The following PLG variants were observed in gnomAD, a reference collection of about 807,000 sequenced individuals.
PLG encodes plasminogen, also known as plasmin.
A neutral mutation model predicts 104.4 loss-of-function variants in PLG; 41 were observed. The observed-to-expected ratio is 0.39, with a 90% CI of 0.31 to 0.51. The LOEUF (loss-of-function observed/expected upper bound fraction) is 0.51. Ranked by LOEUF, PLG falls within the 20% of genes least tolerant of loss-of-function variation. The probability of loss-of-function intolerance (pLI) is 0.76; values close to 1 mark genes in which losing one functional copy is unlikely to be tolerated. For missense variants in PLG, 891 were observed against 1,003.6 expected (o/e 0.89, Z 1.52); for synonymous variants, 337 against 357.1 (o/e 0.94, Z 0.63).
chr6:160,731,363 A>C lies in PLG; in HGVS notation c.1438+131A>C. 1.2e-6 allele frequency: 1 copy of C among 848,996 alleles called. No individual in the cohort carries two copies. Among genetic ancestry groups the C allele is most frequent in the Admixed American group, 2.0e-5 (1 of 50,320 alleles). The allele number at this position is 848,996 out of a possible 1,614,324, so 52.6% of individuals were successfully genotyped here. A position where few individuals can be genotyped will look rare whatever the true frequency, so the allele number is the denominator to read the frequency against. On this transcript the variant is annotated intron_variant, in intron 11 of 18. Coordinates refer to ENST00000308192, the MANE Select transcript of PLG (RefSeq NM_000301.5). This position sits in a 1 kb window ranked among gnomAD's most constrained non-coding sequence, Gnocchi z 5.1. ...GTTTTTAGAGGGTCTGCCATGTGGAAGGAAGCCTCAGTGCACTCTCTCAAG... is the reference window on the plus strand; with the variant it reads ...GTTTTTAGAGGGTCTGCCATGTGGACGGAAGCCTCAGTGCACTCTCTCAAG...
intron 1 of PLG, among the ~76,000 whole-genome samples, chr6:160,703,842 C>T (rs115536572): frequency 6.6e-6 from 1 of 152,184 alleles, no homozygotes; most frequent in Non-Finnish European, 1.5e-5. Flanking sequence ...ATGTTTTAAC[C>T]CACCTGGTGG....
intron 17 of PLG, among the ~76,000 whole-genome samples, chr6:160,743,359 T>C (rs558091101): frequency 3.3e-5 from 5 of 152,330 alleles, no homozygotes; most frequent in African/African-American, 7.2e-5. Context: ...GTAATTCTTA[T>C]TGTAGAGATC....
intron 3 of PLG, 90 bp from the exon 4 acceptor site, chr6:160,710,987 T>A (rs1777628737): frequency 9.3e-7 from 1 of 1,074,844 alleles, no homozygotes; most frequent in East Asian, 2.5e-5. Context: ...GTCTGGTGCA[T>A]GAGATCTTTT....
rs1158949676 is a variant in PLG, at chr6:160,738,253, TGTAG to T, written c.1803-284_1803-281del. ...TGGGCTGTGGGGTGAAAGCCGTGGC[TGTAG>T]AGCTTCATGCGGAGTTACTTAGCTT... On this transcript the variant is annotated intron_variant, in intron 14 of 18. Coordinates refer to ENST00000308192, the MANE Select transcript of PLG (RefSeq NM_000301.5). This position sits in a 1 kb window ranked among gnomAD's most constrained non-coding sequence, Gnocchi z 6.8. 6.6e-6 allele frequency among the ~76,000 whole-genome samples: 1 copy of T among 152,194 alleles called. No homozygotes were observed. The highest frequency in any genetic ancestry group is 1.5e-5 in the Non-Finnish European group (1 of 68,030).
rs1412422490 is a variant in PLG at position 160,739,492 on chromosome 6, AT to A, written c.2018+286del. On this transcript the variant is annotated intron_variant, in intron 16 of 18. Transcript: ENST00000308192. The surrounding 1 kb of genome is among the most constrained non-coding windows in gnomAD (Gnocchi z 4.4). ...ACTTAATGTTCACCAGTTCATACAC[AT>A]TCATGATCAGAGAACGATTCAGTTA... Among the ~76,000 whole-genome samples the A allele has an allele frequency of 2.6e-5, 4 of 152,200 alleles. No homozygotes were observed. The highest frequency in any genetic ancestry group is 5.9e-5 in the Non-Finnish European group (4 of 68,024).
In PLG at chr6:160,744,851, T is replaced by C. The variant is rs2115184127; in HGVS notation, c.2125+3434T>C. On this transcript the variant is annotated intron_variant, in intron 17 of 18. Coordinates refer to ENST00000308192, the MANE Select transcript of PLG (RefSeq NM_000301.5). This position sits in a 1 kb window ranked among gnomAD's most constrained non-coding sequence, Gnocchi z 4.5. ...CTCTGTCCAAGAGATTCTGGTATGT[T>C]GTATCTTTATTCTCATTAGTTCAAA... Among the ~76,000 whole-genome samples, 1 of 152,374 alleles carries C rather than the reference T, an allele frequency of 6.6e-6. No homozygotes were observed. Among genetic ancestry groups the C allele is most frequent in the East Asian group, 1.9e-4 (1 of 5,186 alleles).
At chr6:160,728,298 C>G (rs75526185) in intron 10 of PLG, among the ~76,000 whole-genome samples, 1 of 4,384 alleles carries the variant, frequency 2.3e-4, no homozygotes, top group Admixed American at 3.8e-3. Flanking sequence ...AGGAAGGAAT[C>G]AAAAGATCTA....
intron 3 of PLG, among the ~76,000 whole-genome samples, chr6:160,709,629 C>T (rs1777599447): frequency 6.6e-6 from 1 of 152,216 alleles, no homozygotes; most frequent in Non-Finnish European, 1.5e-5. Flanking sequence ...TCCTTCTTAT[C>T]TCCTAGGTGT....
chr6:160,750,754 G>A (rs79718412), intron 17 of PLG, among the ~76,000 whole-genome samples: 3,025 of 152,176 alleles, frequency 0.02, 119 homozygotes, highest in African/African-American at 0.069. Context: ...AGAGTGCCTC[G>A]GTTCTTACCT....
At chr6:160,748,358 A>AAGAAAGAAAGAAAGAGAGAGAGAGAG (rs1562383260) in intron 17 of PLG, among the ~76,000 whole-genome samples, 15 of 35,202 alleles carry the variant, frequency 4.3e-4, no homozygotes, top group Non-Finnish European at 5.0e-4. Flanking sequence ...AAGAGAAAGA[A>AAGAAAGAAAGAAAGAGAGAGAGAGAG]AGAAAGAAAG....
intron 17 of PLG, among the ~76,000 whole-genome samples, chr6:160,745,017 T>C (rs1778255117): frequency 6.6e-6 from 1 of 152,060 alleles, no homozygotes; most frequent in African/African-American, 2.4e-5. Context: ...GGTCTGAGAG[T>C]GTGTTTGGTA....
chr6:160,730,301 G>T (rs1277165266), intron 10 of PLG, among the ~76,000 whole-genome samples: 2 of 152,308 alleles, frequency 1.3e-5, no homozygotes, highest in African/African-American at 4.8e-5. Context: ...CATTCCCTCA[G>T]ACCTGGAGTG....
intron 3 of PLG, among the ~76,000 whole-genome samples, chr6:160,710,625 T>G (rs915415925): frequency 6.6e-6 from 1 of 152,154 alleles, no homozygotes; most frequent in Non-Finnish European, 1.5e-5. Context: ...GTGGGTTGGA[T>G]CTCTTTCAGC....
rs1777893212 is a variant in PLG at position 160,724,470 on chromosome 6, A to G, written c.1256+1903A>G. 6.6e-6 allele frequency among the ~76,000 whole-genome samples: 1 copy of G among 152,008 alleles called. No individual in the cohort carries two copies. The highest frequency in any genetic ancestry group is 6.5e-5 in the Admixed American group (1 of 15,280). ...AAGAAACAGAGCCTCAAGAATATCT[A>G]TGAAAATATCAAAAGATTTCATATA... On this transcript the variant is annotated intron_variant, in intron 10 of 18. Transcript: ENST00000308192. The surrounding 1 kb of genome is among the most constrained non-coding windows in gnomAD (Gnocchi z 5.0).
At chr6:160,745,614 G>T (rs1190996473) in intron 17 of PLG, among the ~76,000 whole-genome samples, 1 of 152,184 alleles carries the variant, frequency 6.6e-6, no homozygotes, top group Non-Finnish European at 1.5e-5. Flanking sequence ...TTGCCACTCT[G>T]TGCCTCTTAA....
chr6:160,731,782 G>A lies in PLG; in HGVS notation c.1476G>A (p.Lys492=), dbSNP rs778225357. ...MFGNGKGYRG[K]RATTVTGTPC... The stretch of plus-strand genomic sequence containing the variant: ...GGAATGGGAAAGGATACCGAGGCAA[G>A]AGGGCGACCACTGTTACTGGGACGC... The change falls in exon 12 of 19, where the codon AAG becomes AAA. Residue 492 remains lysine (K), a synonymous_variant. Coordinates refer to ENST00000308192, the MANE Select transcript of PLG (RefSeq NM_000301.5). The surrounding 1 kb of genome is among the most constrained non-coding windows in gnomAD (Gnocchi z 5.1). The A allele has an allele frequency of 1.1e-5, 18 of 1,614,040 alleles. No homozygotes were observed. In the South Asian group the frequency reaches 1.2e-4, roughly 11 times the overall value.
rs1166486515 is a variant in PLG at position 160,732,891 on chromosome 6, G to A, written c.1587+998G>A. ...TGCAGTCTTGCTGGGTTTTTATGGA[G>A]GCTTCATTACAGAGGCACAGTTGAA... is the stretch of plus-strand genomic sequence containing the variant. On this transcript the variant is annotated intron_variant, in intron 12 of 18. Coordinates refer to ENST00000308192, the MANE Select transcript of PLG (RefSeq NM_000301.5). The surrounding 1 kb of genome is among the most constrained non-coding windows in gnomAD (Gnocchi z 4.5). Among the ~76,000 whole-genome samples, 1 of 152,088 alleles carries A rather than the reference G, an allele frequency of 6.6e-6. No individual in the cohort carries two copies. Among genetic ancestry groups the A allele is most frequent in the Non-Finnish European group, 1.5e-5 (1 of 68,034 alleles).
At chr6:160,720,210 G>A (rs1777804888) in intron 9 of PLG, among the ~76,000 whole-genome samples, 1 of 152,014 alleles carries the variant, frequency 6.6e-6, no homozygotes, top group Admixed American at 6.6e-5. Flanking sequence ...AGTTTGACTA[G>A]TAATCTGATC....
intron 7 of PLG, among the ~76,000 whole-genome samples, chr6:160,717,658 T>TGGA (rs1777761085): frequency 6.6e-6 from 1 of 152,038 alleles, no homozygotes; most frequent in Admixed American, 6.6e-5. Flanking sequence ...GGAAAGAGAG[T>TGGA]GGACCTTTGG....
Sources: gnomAD v4.1 joint callset for allele counts (sites outside exome capture counted in the v4.1 genomes callset) on GRCh38, gnomAD v4.1.1 for gene constraint, Gnocchi (gnomAD v3.1) non-coding constraint, MANE v1.5 for transcripts, NCBI Gene and HGNC (gene_info 2026-07-23, HGNC 2026-07-21) for gene names.